CNGA1: variants seen among roughly 807,000 people sequenced by gnomAD.
CNGA1 encodes cyclic nucleotide gated channel subunit alpha 1.
A neutral mutation model predicts 69.7 loss-of-function variants in CNGA1; 53 were observed. The observed-to-expected ratio is 0.76, with a 90% CI of 0.61 to 0.96. CNGA1 has a LOEUF of 0.96. Ranked by LOEUF, CNGA1 falls within the 40% of genes least tolerant of loss-of-function variation. CNGA1 has a pLI of 0.00. For missense variants in CNGA1, 739 were observed against 811.2 expected (o/e 0.91, Z 1.08); for synonymous variants, 249 against 283.5 (o/e 0.88, Z 1.22).
chr4:47,936,510 C>T lies in CNGA1; in HGVS notation c.1972G>A (p.Val658Ile). The T allele has an allele frequency of 6.2e-7, 1 of 1,614,148 alleles. No homozygotes were observed. Among genetic ancestry groups the T allele is most frequent in the Non-Finnish European group, 8.5e-7 (1 of 1,180,026 alleles). Residue 658 changes from valine (V) to isoleucine (I), a missense_variant, in exon 11 of 11, where the codon GTT (valine) becomes ATT (isoleucine). Physicochemically the swap from Val to Ile is conservative, Grantham distance 29. Transcript: ENST00000514170. ...QQKLKQRLTK[V>I]EKFLKPLIDT... is the part of the protein sequence containing the mutation. The stretch of plus-strand genomic sequence containing the variant: ...ATAAGCGGTTTCAGAAATTTCTCAA[C>T]CTTGGTTAATCTTTGTTTCAGTTTC...
chr4:47,976,323 G>GTA lies in CNGA1; in HGVS notation c.-15+5068_-15+5069dup, dbSNP rs763402945. On this transcript the variant is annotated intron_variant, in intron 3 of 10. Transcript: ENST00000514170. Reference sequence around the variant, plus strand: ...CATACATATATATATACATATATATGTATATATATATATACACATATATAT... The same window carrying GTA: ...CATACATATATATATACATATATATGTATATATATATATATACACATATATAT... Among the ~76,000 whole-genome samples, 13 of 24,542 alleles carry GTA rather than the reference G, an allele frequency of 5.3e-4. 1 individual carries two copies. Among genetic ancestry groups the GTA allele is most frequent in the South Asian group, 1.4e-3 (1 of 706 alleles). The allele number at this position is 24,542 out of a possible 152,430, so 16.1% of individuals were successfully genotyped here. A position where few individuals can be genotyped will look rare whatever the true frequency, so the allele number is the denominator to read the frequency against.
intron 3 of CNGA1, among the ~76,000 whole-genome samples, chr4:47,975,158 T>C (rs955391725): frequency 2.0e-5 from 3 of 152,132 alleles, no homozygotes; most frequent in Non-Finnish European, 2.9e-5. Flanking sequence ...AATATCACTT[T>C]GAGACTTTAA....
intron 2 of CNGA1, among the ~76,000 whole-genome samples, chr4:47,989,773 T>G (rs1742165404): frequency 6.7e-6 from 1 of 149,786 alleles, no homozygotes; most frequent in Non-Finnish European, 1.5e-5. Flanking sequence ...GAACCCTATT[T>G]GTAGTCTTTG....
chr4:47,975,972 G>T (rs1306853288), intron 3 of CNGA1, among the ~76,000 whole-genome samples: 4 of 150,492 alleles, frequency 2.7e-5, no homozygotes, highest in Non-Finnish European at 5.9e-5. Context: ...TTATCTTAGG[G>T]TTCCTCACCC....
At chr4:47,994,440 G>A (rs958454442) in intron 2 of CNGA1, among the ~76,000 whole-genome samples, 1 of 152,072 alleles carries the variant, frequency 6.6e-6, no homozygotes, top group Non-Finnish European at 1.5e-5. Context: ...GTTCCTCTTT[G>A]TCTTTTTAAC....
At chr4:47,986,776 AC>A (rs777315279) in intron 2 of CNGA1, among the ~76,000 whole-genome samples, 25 of 152,286 alleles carry the variant, frequency 1.6e-4, no homozygotes, top group Middle Eastern at 3.4e-3. Context: ...AGAGATGATT[AC>A]AAAACAGTGT....
chr4:47,969,511 C>T (rs944281378), intron 3 of CNGA1, among the ~76,000 whole-genome samples: 5 of 151,830 alleles, frequency 3.3e-5, no homozygotes, highest in African/African-American at 9.7e-5. Flanking sequence ...GCTCTGTCGC[C>T]CAGGCTGGAG....
intron 2 of CNGA1, among the ~76,000 whole-genome samples, chr4:47,989,427 C>T (rs1489746645): frequency 1.3e-5 from 2 of 152,092 alleles, no homozygotes; most frequent in Non-Finnish European, 1.5e-5. Flanking sequence ...TGATCACACA[C>T]AATTCTACCT....
At chr4:48,006,536 A>C (rs1424731280) in intron 2 of CNGA1, among the ~76,000 whole-genome samples, 1 of 152,200 alleles carries the variant, frequency 6.6e-6, no homozygotes, top group East Asian at 1.9e-4. Flanking sequence ...TTCCTGTATA[A>C]TTTTTATACC....
intron 3 of CNGA1, chr4:47,958,893 A>T (rs909535884): frequency 6.6e-6 from 1 of 152,264 alleles, no homozygotes; most frequent in Non-Finnish European, 1.5e-5. Context: ...AACATAATTC[A>T]TTATAATTAT....
chr4:47,940,944 T>C, intron 9 of CNGA1, 75 bp from the exon 10 acceptor site: 1 of 983,790 alleles, frequency 1.0e-6, no homozygotes, highest in African/African-American at 1.6e-5. Flanking sequence ...CTTTGTATAT[T>C]TTCTTTATCA....
chr4:48,011,342 G>GA (rs71200915), intron 1 of CNGA1, among the ~76,000 whole-genome samples: 26,283 of 148,532 alleles, frequency 0.18, 2,557 homozygotes, highest in Middle Eastern at 0.25. Context: ...TCCTGGGAGA[G>GA]AAAAAAAACA....
chr4:47,940,984 G>A, intron 9 of CNGA1, 115 bp from the exon 10 acceptor site: 1 of 700,818 alleles, frequency 1.4e-6, no homozygotes, highest in Non-Finnish European at 2.5e-6. Flanking sequence ...CTCAGGCTAG[G>A]AGAGGTCCTT....
intron 3 of CNGA1, among the ~76,000 whole-genome samples, chr4:47,955,981 C>G (rs1039645548): frequency 5.3e-5 from 8 of 152,204 alleles, no homozygotes; most frequent in African/African-American, 1.7e-4. Context: ...TGAAATGGTT[C>G]TTAGGGCGAC....
At chr4:47,964,452 A>T (rs1740619133) in intron 3 of CNGA1, among the ~76,000 whole-genome samples, 1 of 152,126 alleles carries the variant, frequency 6.6e-6, no homozygotes, top group African/African-American at 2.4e-5. Context: ...ACTTTTAAAC[A>T]TACATAATCA....
chr4:47,973,966 G>A (rs1169705819), intron 3 of CNGA1, among the ~76,000 whole-genome samples: 1 of 151,938 alleles, frequency 6.6e-6, no homozygotes, highest in African/African-American at 2.4e-5. Context: ...GTTGAGGCGG[G>A]CGGATCTTTT....
At chr4:47,950,116 CA>C (rs1192788857) in intron 5 of CNGA1, among the ~76,000 whole-genome samples, 1 of 152,170 alleles carries the variant, frequency 6.6e-6, no homozygotes, top group African/African-American at 2.4e-5. Context: ...GTGTCTTGAA[CA>C]AACATAGTGA....
intron 4 of CNGA1, among the ~76,000 whole-genome samples, chr4:47,951,718 T>C (rs536957390): frequency 6.6e-6 from 1 of 152,254 alleles, no homozygotes; most frequent in African/African-American, 2.4e-5. Flanking sequence ...ACATTCCTAT[T>C]GTTTGATGCA....
chr4:47,958,745 A>C (rs1446422461), intron 3 of CNGA1, among the ~76,000 whole-genome samples: 1 of 152,088 alleles, frequency 6.6e-6, no homozygotes, highest in Non-Finnish European at 1.5e-5. Flanking sequence ...GTACTGATAC[A>C]TCCACCTCCC....
Sources: gnomAD v4.1 joint callset for allele counts (sites outside exome capture counted in the v4.1 genomes callset) on GRCh38, gnomAD v4.1.1 for gene constraint, MANE v1.5 for transcripts, NCBI Gene and HGNC (gene_info 2026-07-23, HGNC 2026-07-21) for gene names.